The following TSPAN14 variants were observed in gnomAD, a reference collection of about 807,000 sequenced individuals.
TSPAN14 encodes the protein tetraspanin 14.
Under a neutral mutation model 36.6 loss-of-function variants are expected in TSPAN14, and 16 were observed. The ratio of observed to expected loss-of-function variants is 0.44; its 90% CI spans 0.30 to 0.66. The LOEUF (loss-of-function observed/expected upper bound fraction) is 0.66, where lower values mean the gene tolerates loss of function less well. Among genes scored for constraint, TSPAN14 ranks in the 30% least tolerant of loss-of-function variants. TSPAN14 has a pLI of 0.12. For missense variants in TSPAN14, 231 were observed against 355.1 expected, an observed-to-expected ratio of 0.65 and a Z score of 2.81; for synonymous variants, 139 against 143.8, an observed-to-expected ratio of 0.97 and a Z score of 0.24.
At chr10:80,496,616 A>G (rs963416422) in intron 2 of TSPAN14, among the ~76,000 whole-genome samples, 4 of 152,150 alleles carry the variant, frequency 2.6e-5, no homozygotes, top group Admixed American at 2.0e-4. Context: ...TCCCTAGGAC[A>G]TTGTTTATCT....
rs7080009 is a variant in TSPAN14, at chr10:80,509,705, T to C, written c.450+234T>C. The C allele has an allele frequency of 0.84, 429,368 of 510,336 alleles. 182,003 individuals carry two copies. The highest frequency in any genetic ancestry group is 0.98 in the East Asian group (28,397 of 29,048). 31.6% of individuals were successfully genotyped at this position (510,336 alleles called of 1,614,324 possible). A position where few individuals can be genotyped will look rare whatever the true frequency, so the allele number is the denominator to read the frequency against. On this transcript the variant is annotated intron_variant, in intron 5 of 8. Coordinates refer to ENST00000429989, the Ensembl canonical transcript of TSPAN14. This position sits in a 1 kb window ranked among gnomAD's most constrained non-coding sequence, Gnocchi z 4.7. ...GGGATTGGGCAGGCAAGTCCAGCTG[T>C]ACCCGAGGCCACCCACCCCCCACGT...
intron 1 of TSPAN14, among the ~76,000 whole-genome samples, chr10:80,487,862 C>T (rs1847700951): frequency 6.6e-6 from 1 of 152,132 alleles, no homozygotes; most frequent in Non-Finnish European, 1.5e-5. Flanking sequence ...AGGCTGTGCC[C>T]GTCAATTCCA....
chr10:80,465,673 C>T (rs1394517635), intron 1 of TSPAN14, among the ~76,000 whole-genome samples: 1 of 152,174 alleles, frequency 6.6e-6, no homozygotes, highest in Non-Finnish European at 1.5e-5. Context: ...GAGGTGCACA[C>T]TAAAGAGAGA....
At chr10:80,505,417 A>G (rs1184586567) in intron 3 of TSPAN14, among the ~76,000 whole-genome samples, 3 of 152,140 alleles carry the variant, frequency 2.0e-5, no homozygotes, top group African/African-American at 7.2e-5. Context: ...GTGAGGGCTG[A>G]AAAAGGCCAG....
chr10:80,520,951 G>T (rs545201923), exon 9 of TSPAN14: 8 of 437,778 alleles, frequency 1.8e-5, no homozygotes, highest in Non-Finnish European at 3.7e-5. Flanking sequence ...ACCAGCCTCC[G>T]GGGAATCCCA....
chr10:80,503,593 C>T (rs867139850), intron 2 of TSPAN14, among the ~76,000 whole-genome samples: 1 of 152,040 alleles, frequency 6.6e-6, no homozygotes, highest in South Asian at 2.1e-4. Flanking sequence ...TGTGACCCCT[C>T]TAAAATTTCA....
chr10:80,471,111 G>A (rs1846527117), intron 1 of TSPAN14, among the ~76,000 whole-genome samples: 1 of 151,856 alleles, frequency 6.6e-6, no homozygotes, highest in South Asian at 2.1e-4. Flanking sequence ...CTACTTGACT[G>A]CACTTAGTGA....
At chr10:80,483,095 C>A (rs1469330275) in intron 1 of TSPAN14, among the ~76,000 whole-genome samples, 1 of 152,126 alleles carries the variant, frequency 6.6e-6, no homozygotes, top group African/African-American at 2.4e-5. Flanking sequence ...GAATGTGCTA[C>A]TTTTTTAATT....
chr10:80,494,765 C>T (rs1375953366), intron 2 of TSPAN14, among the ~76,000 whole-genome samples: 1 of 152,162 alleles, frequency 6.6e-6, no homozygotes, highest in Non-Finnish European at 1.5e-5. Flanking sequence ...AGGGAAAAGT[C>T]TAGTGTTTTA....
At chr10:80,499,625 A>G (rs1848385225) in intron 2 of TSPAN14, among the ~76,000 whole-genome samples, 2 of 152,206 alleles carry the variant, frequency 1.3e-5, no homozygotes, top group African/African-American at 2.4e-5. Context: ...TAAGTCTGCC[A>G]CCAGCTAGCC....
At chr10:80,513,103 G>T (rs1840747761) in intron 6 of TSPAN14, among the ~76,000 whole-genome samples, 1 of 152,098 alleles carries the variant, frequency 6.6e-6, no homozygotes, top group African/African-American at 2.4e-5. Context: ...TCACCATGTT[G>T]CCCCGGCTGG....
intron 3 of TSPAN14, among the ~76,000 whole-genome samples, chr10:80,506,862 A>G (rs1365484386): frequency 1.3e-5 from 2 of 152,188 alleles, no homozygotes; most frequent in Non-Finnish European, 2.9e-5. Flanking sequence ...TAGGTGCCAA[A>G]TTGGGGGACT....
At chr10:80,482,348 G>A (rs939837928) in intron 1 of TSPAN14, among the ~76,000 whole-genome samples, 12 of 151,712 alleles carry the variant, frequency 7.9e-5, no homozygotes, top group Non-Finnish European at 1.5e-4. Flanking sequence ...GTGCACTGGC[G>A]CAATCTCAGC....
At chr10:80,480,855 C>T (rs1847231559) in intron 1 of TSPAN14, among the ~76,000 whole-genome samples, 1 of 152,134 alleles carries the variant, frequency 6.6e-6, no homozygotes, top group Non-Finnish European at 1.5e-5. Flanking sequence ...GGGTGCAGCA[C>T]ACCAGCATGG....
chr10:80,492,396 G>A (rs185610238), intron 2 of TSPAN14, among the ~76,000 whole-genome samples: 221 of 152,312 alleles, frequency 1.5e-3, no homozygotes, highest in African/African-American at 5.0e-3. Flanking sequence ...GATTGCACGT[G>A]TTGATGGTGG....
intron 7 of TSPAN14, 101 bp downstream of exon 7, chr10:80,514,164 T>C: frequency 2.6e-6 from 3 of 1,145,502 alleles, no homozygotes; most frequent in East Asian, 2.5e-5. Context: ...GTGGGAAAAC[T>C]CAGGGCAGTG....
intron 1 of TSPAN14, chr10:80,485,814 T>G (rs543689987): frequency 2.1e-6 from 1 of 478,800 alleles, no homozygotes; most frequent in East Asian, 1.5e-4. Flanking sequence ...AATAGTTTCC[T>G]CTTCTGTGGG....
intron 1 of TSPAN14, among the ~76,000 whole-genome samples, chr10:80,476,662 G>T (rs898097284): frequency 1.3e-5 from 2 of 151,928 alleles, no homozygotes; most frequent in Non-Finnish European, 2.9e-5. Context: ...TGATCTGCCC[G>T]CCTCGGCCTC....
At chr10:80,485,423 C>G (rs964983059) in intron 1 of TSPAN14, among the ~76,000 whole-genome samples, 27 of 152,150 alleles carry the variant, frequency 1.8e-4, no homozygotes, top group African/African-American at 6.0e-4. Flanking sequence ...GCCCTAGTAG[C>G]TCCGTTGGTG....
Sources: gnomAD v4.1 joint callset for allele counts (sites outside exome capture counted in the v4.1 genomes callset) on GRCh38, gnomAD v4.1.1 for gene constraint, Gnocchi (gnomAD v3.1) non-coding constraint, MANE v1.5 for transcripts, NCBI Gene and HGNC (gene_info 2026-07-23, HGNC 2026-07-21) for gene names.